Variants in GRM8 observed in about 807,000 individuals in gnomAD.
The protein encoded by GRM8 is metabotropic glutamate receptor 8.
In GRM8, 47 loss-of-function variants were observed where a neutral mutation model predicts 87.2. The observed-to-expected ratio is 0.54, with a 90% CI of 0.43 to 0.69. The LOEUF (loss-of-function observed/expected upper bound fraction) is 0.69. Ranked by LOEUF, GRM8 falls within the 30% of genes least tolerant of loss-of-function variation. GRM8 has a pLI of 0.00. For synonymous variants in GRM8, 396 were observed against 404.5 expected (o/e 0.98, Z 0.25); for missense variants, 1,019 against 1,139.2 (o/e 0.89, Z 1.52).
At chr7:126,885,217 C>A (rs538623665) in intron 6 of GRM8, among the ~76,000 whole-genome samples, 15 of 152,286 alleles carry the variant, frequency 9.8e-5, no homozygotes, top group Admixed American at 7.2e-4. Context: ...ATGATGGTTG[C>A]AGAACCACGC....
At chr7:126,661,103 C>T (rs1413352832) in intron 7 of GRM8, among the ~76,000 whole-genome samples, 1 of 152,118 alleles carries the variant, frequency 6.6e-6, no homozygotes, top group East Asian at 1.9e-4. Context: ...GATAGCACAA[C>T]AGGGTGACTA....
chr7:126,852,780 ATATATT>A (rs1797330246), intron 6 of GRM8, among the ~76,000 whole-genome samples: 1 of 152,018 alleles, frequency 6.6e-6, no homozygotes, highest in Non-Finnish European at 1.5e-5. Flanking sequence ...ATATACTTTC[ATATATT>A]TATATTTATT....
intron 9 of GRM8, among the ~76,000 whole-genome samples, chr7:126,488,625 G>T (rs1247911646): frequency 6.6e-6 from 1 of 151,682 alleles, no homozygotes; most frequent in Non-Finnish European, 1.5e-5. Flanking sequence ...TCTTCCAGGA[G>T]CCAGTCCAAT....
intron 1 of GRM8, among the ~76,000 whole-genome samples, chr7:127,245,121 C>A (rs573121925): frequency 1.3e-5 from 2 of 152,202 alleles, no homozygotes. Flanking sequence ...AAAGGAAACA[C>A]TCAGAAAGTC....
intron 3 of GRM8, among the ~76,000 whole-genome samples, chr7:126,974,127 G>A (rs1177957266): frequency 3.3e-5 from 5 of 152,170 alleles, no homozygotes; most frequent in Non-Finnish European, 2.9e-5. Flanking sequence ...TAGGCTATAT[G>A]TATACGGTGT....
At chr7:126,758,564 A>G (rs1303798243) in intron 7 of GRM8, among the ~76,000 whole-genome samples, 1 of 152,222 alleles carries the variant, frequency 6.6e-6, no homozygotes, top group Non-Finnish European at 1.5e-5. Context: ...ATATAAAGGA[A>G]GATGAAGTAA....
At chr7:126,939,966 T>C (rs1271522449) in intron 3 of GRM8, among the ~76,000 whole-genome samples, 2 of 152,216 alleles carry the variant, frequency 1.3e-5, no homozygotes, top group African/African-American at 4.8e-5. Flanking sequence ...TAAAAGTATA[T>C]CTGCAAAGAA....
At chr7:127,211,201 A>C (rs1431058640) in intron 2 of GRM8, among the ~76,000 whole-genome samples, 4 of 152,236 alleles carry the variant, frequency 2.6e-5, no homozygotes, top group Non-Finnish European at 4.4e-5. Flanking sequence ...TCTGAGTCCC[A>C]AAACCTCAAA....
rs567794662 is a variant in GRM8, at chr7:127,252,195, C to G, written c.-312+602G>C. 2.6e-5 allele frequency: 4 copies of G among 152,182 alleles called. No individual in the cohort carries two copies. Among genetic ancestry groups the G allele is most frequent in the East Asian group, 3.9e-4 (2 of 5,138 alleles). The allele number at this position is 152,182 out of a possible 1,614,324, so 9.4% of individuals were successfully genotyped here. A position where few individuals can be genotyped will look rare whatever the true frequency, so the allele number is the denominator to read the frequency against. On this transcript the variant is annotated intron_variant, in intron 1 of 10. Transcript: ENST00000339582. This position sits in a 1 kb window ranked among gnomAD's most constrained non-coding sequence, Gnocchi z 4.9. ...GGTCCGGGAGGTCACCCAGGGCAGA[C>G]GATCCGAGGCAGAGCGCTTTAAAAT...
chr7:127,145,695 T>C (rs930464330), intron 2 of GRM8, among the ~76,000 whole-genome samples: 3 of 152,106 alleles, frequency 2.0e-5, no homozygotes, highest in Non-Finnish European at 2.9e-5. Flanking sequence ...CAGAGTGGCA[T>C]AATAATGCTG....
intron 7 of GRM8, among the ~76,000 whole-genome samples, chr7:126,628,896 G>GA (rs1342211445): frequency 6.6e-6 from 1 of 150,636 alleles, no homozygotes; most frequent in Non-Finnish European, 1.5e-5. Flanking sequence ...ATAAATAGAG[G>GA]AAAAAAAAGC....
intron 1 of GRM8, among the ~76,000 whole-genome samples, chr7:127,244,378 A>G (rs1798472157): frequency 6.6e-6 from 1 of 152,228 alleles, no homozygotes; most frequent in Admixed American, 6.5e-5. Context: ...AATAACTTGA[A>G]GTGAAAAAGG....
chr7:127,186,452 G>A (rs911687130), intron 2 of GRM8, among the ~76,000 whole-genome samples: 3 of 152,256 alleles, frequency 2.0e-5, no homozygotes, highest in Admixed American at 6.5e-5. Context: ...CAGAAGGCAG[G>A]AAGAGAGTGA....
intron 2 of GRM8, among the ~76,000 whole-genome samples, chr7:127,150,347 T>C (rs765162874): frequency 4.6e-5 from 7 of 152,084 alleles, no homozygotes; most frequent in Non-Finnish European, 8.8e-5. Context: ...AACCAGTGGC[T>C]GTTCTCAAGA....
intron 3 of GRM8, among the ~76,000 whole-genome samples, chr7:127,053,705 T>C (rs12669938): frequency 0.082 from 11,931 of 145,936 alleles, 524 homozygotes; most frequent in South Asian, 0.13. Flanking sequence ...GGAGAATCAC[T>C]TGAACCTGGG....
chr7:126,540,175 T>C (rs575432994), intron 8 of GRM8, among the ~76,000 whole-genome samples: 1 of 152,226 alleles, frequency 6.6e-6, no homozygotes, highest in East Asian at 1.9e-4. Flanking sequence ...AAAGAAGATA[T>C]ACAAATTGTC....
intron 7 of GRM8, among the ~76,000 whole-genome samples, chr7:126,681,898 G>T (rs62477944): frequency 0.19 from 28,156 of 151,984 alleles, 2,709 homozygotes; most frequent in African/African-American, 0.21. Flanking sequence ...CTTATTTACT[G>T]TATTTATTAT....
At chr7:127,044,940 AT>A (rs572366060) in intron 3 of GRM8, among the ~76,000 whole-genome samples, 1 of 152,132 alleles carries the variant, frequency 6.6e-6, no homozygotes, top group Non-Finnish European at 1.5e-5. Context: ...TTTGCTTCAG[AT>A]TTTTTTATTT....
In GRM8 at chr7:127,216,533, AAC is replaced by A. The variant is rs1176030243; in HGVS notation, c.510+26160_510+26161del. Among the ~76,000 whole-genome samples, 18 of 148,402 alleles carry A rather than the reference AAC, an allele frequency of 1.2e-4. 1 individual carries two copies. Among genetic ancestry groups the A allele is most frequent in the African/African-American group, 2.3e-4 (9 of 39,908 alleles). On this transcript the variant is annotated intron_variant, in intron 2 of 10. Transcript: ENST00000339582. ...ACTCCGTCTCAAAAAAAAAAAAAAA[AAC>A]AAAAAAAAAAAAAGAAGAAGCTGAG...
Sources: gnomAD v4.1 joint callset for allele counts (sites outside exome capture counted in the v4.1 genomes callset) on GRCh38, gnomAD v4.1.1 for gene constraint, Gnocchi (gnomAD v3.1) non-coding constraint, MANE v1.5 for transcripts, NCBI Gene and HGNC (gene_info 2026-07-23, HGNC 2026-07-21) for gene names.